Variants in SYT14 observed in about 807,000 individuals in gnomAD.
The protein encoded by SYT14 is synaptotagmin-14.
A neutral mutation model predicts 74.2 loss-of-function variants in SYT14; 32 were observed. The observed-to-expected ratio is 0.43, with a 90% CI of 0.33 to 0.58. SYT14 has a LOEUF of 0.58. SYT14 is among the 20% of genes least tolerant of loss of function. The probability of loss-of-function intolerance (pLI) is 0.05; values close to 1 mark genes in which losing one functional copy is unlikely to be tolerated. For missense variants in SYT14, 791 were observed against 981.8 expected (o/e 0.81, Z 2.60); for synonymous variants, 298 against 337.7 (o/e 0.88, Z 1.29).
intron 7 of SYT14, among the ~76,000 whole-genome samples, chr1:210,104,769 A>T (rs1202707924): frequency 6.6e-6 from 1 of 152,146 alleles, no homozygotes; most frequent in East Asian, 1.9e-4. Context: ...CATACACACA[A>T]CCCTTCCTGT....
chr1:210,046,456 C>T (rs1237894856), intron 5 of SYT14, among the ~76,000 whole-genome samples: 1 of 151,998 alleles, frequency 6.6e-6, no homozygotes, highest in Non-Finnish European at 1.5e-5. Flanking sequence ...AATGGTATAG[C>T]TATTACCGTA....
At chr1:210,121,878 TTTA>T (rs957619257) in intron 7 of SYT14, among the ~76,000 whole-genome samples, 6 of 152,160 alleles carry the variant, frequency 3.9e-5, no homozygotes, top group Non-Finnish European at 8.8e-5. Flanking sequence ...TAAATGCACT[TTTA>T]TTATTTTCAG....
chr1:210,119,359 G>T (rs1161192875), intron 7 of SYT14, among the ~76,000 whole-genome samples: 3 of 152,154 alleles, frequency 2.0e-5, no homozygotes, highest in African/African-American at 7.2e-5. Flanking sequence ...ATTTAGAAAA[G>T]AGGCAGTTTT....
At chr1:209,957,460 C>T (rs1197450767) in intron 2 of SYT14, among the ~76,000 whole-genome samples, 1 of 151,928 alleles carries the variant, frequency 6.6e-6, no homozygotes, top group Non-Finnish European at 1.5e-5. Flanking sequence ...CAGTCTCGCT[C>T]TTGTCACCCA....
chr1:210,147,599 G>A (rs1466976808), intron 7 of SYT14, among the ~76,000 whole-genome samples: 2 of 152,208 alleles, frequency 1.3e-5, no homozygotes, highest in Non-Finnish European at 2.9e-5. Flanking sequence ...GCTAGACATT[G>A]TTCTAAGTAT....
In SYT14 at chr1:210,078,309, C is replaced by CAA. The variant is rs59924487; in HGVS notation, c.1313-15985_1313-15984dup. Among the ~76,000 whole-genome samples the CAA allele has an allele frequency of 4.2e-4, 30 of 72,066 alleles. 1 individual carries two copies. Among genetic ancestry groups the CAA allele is most frequent in the Middle Eastern group, 9.8e-3 (1 of 102 alleles). 47.3% of individuals were successfully genotyped at this position (72,066 alleles called of 152,430 possible). On this transcript the variant is annotated intron_variant, in intron 5 of 9. Transcript: ENST00000637265. Reference sequence around the variant, plus strand: ...TGGGCGACAGAGCGAGACTCCGTCTCAAAAAAAAAAAAAAAAAAAAAAAAA... The same window carrying CAA: ...TGGGCGACAGAGCGAGACTCCGTCTCAAAAAAAAAAAAAAAAAAAAAAAAAAA...
chr1:210,131,099 T>G (rs1272180728), intron 7 of SYT14, among the ~76,000 whole-genome samples: 1 of 152,144 alleles, frequency 6.6e-6, no homozygotes, highest in South Asian at 2.1e-4. Context: ...GAGAATGTGT[T>G]TAAGATTTTA....
rs201670404 is a variant in SYT14, at chr1:209,942,373, C to T, written c.-534+4096C>T. Among the ~76,000 whole-genome samples the T allele has an allele frequency of 2.4e-3, 272 of 114,978 alleles. 3 individuals carry two copies. Among genetic ancestry groups the T allele is most frequent in the African/African-American group, 4.6e-3 (148 of 31,884 alleles). The allele number at this position is 114,978 out of a possible 152,430, so 75.4% of individuals were successfully genotyped here. The stretch of plus-strand genomic sequence containing the variant: ...CCATGCAAATTTACCCCCCCCCCCC[C>T]GCTCTGTTGTGCAGATTTACCATCT... On this transcript the variant is annotated intron_variant, in intron 1 of 9. Coordinates refer to ENST00000637265, the Ensembl canonical transcript of SYT14.
At chr1:209,946,130 C>G (rs1019235140) in intron 1 of SYT14, among the ~76,000 whole-genome samples, 1 of 152,164 alleles carries the variant, frequency 6.6e-6, no homozygotes, top group Admixed American at 6.5e-5. Flanking sequence ...TCTGATTGTT[C>G]CACCAATCAG....
intron 1 of SYT14, among the ~76,000 whole-genome samples, chr1:209,947,014 A>G (rs929695226): frequency 5.3e-5 from 8 of 152,152 alleles, no homozygotes; most frequent in African/African-American, 1.9e-4. Context: ...AAATGACAGA[A>G]CATCTGTTTA....
intron 5 of SYT14, among the ~76,000 whole-genome samples, chr1:210,055,195 T>C (rs905155161): frequency 6.6e-6 from 1 of 152,228 alleles, no homozygotes. Flanking sequence ...GTGATTATTA[T>C]CTATGTGATA....
intron 5 of SYT14, among the ~76,000 whole-genome samples, chr1:210,029,809 G>A (rs541711914): frequency 1.3e-5 from 2 of 152,206 alleles, no homozygotes; most frequent in East Asian, 1.9e-4. Flanking sequence ...TGTGGAGGTG[G>A]CATTAAATCT....
intron 5 of SYT14, among the ~76,000 whole-genome samples, chr1:210,086,824 A>G (rs1478200224): frequency 1.3e-5 from 2 of 152,068 alleles, no homozygotes; most frequent in South Asian, 2.1e-4. Flanking sequence ...GTTTATGTGG[A>G]TTGTCCAATT....
intron 2 of SYT14, 58 bp downstream of exon 2, chr1:209,952,814 A>G (rs1029156384): frequency 6.8e-7 from 1 of 1,465,662 alleles, no homozygotes; most frequent in East Asian, 2.3e-5. Flanking sequence ...CAAAGTGTAT[A>G]ATAGATTTTA....
chr1:210,045,853 G>T, intron 5 of SYT14, among the ~76,000 whole-genome samples: 1 of 151,980 alleles, frequency 6.6e-6, no homozygotes, highest in East Asian at 1.9e-4. Flanking sequence ...AAATCTTCAG[G>T]AAATTATCGT....
intron 9 of SYT14, 124 bp from the exon 9 acceptor site, chr1:210,160,605 C>T: frequency 1.2e-6 from 1 of 809,812 alleles, no homozygotes; most frequent in Non-Finnish European, 1.9e-6. Flanking sequence ...GGTCGAATGT[C>T]CATTAAACAT....
intron 5 of SYT14, among the ~76,000 whole-genome samples, chr1:210,054,636 C>T (rs1272967571): frequency 6.6e-6 from 1 of 152,120 alleles, no homozygotes; most frequent in African/African-American, 2.4e-5. Flanking sequence ...TCAGTGACTT[C>T]ACTGCTAGTT....
intron 5 of SYT14, among the ~76,000 whole-genome samples, chr1:210,045,066 A>G (rs780496716): frequency 6.6e-6 from 1 of 152,180 alleles, no homozygotes; most frequent in African/African-American, 2.4e-5. Context: ...TCATGTTATG[A>G]TTCTCTTTAT....
chr1:210,110,534 C>G (rs2082242066), intron 7 of SYT14, among the ~76,000 whole-genome samples: 1 of 152,104 alleles, frequency 6.6e-6, no homozygotes, highest in African/African-American at 2.4e-5. Flanking sequence ...ATGAAGTATC[C>G]TCCAGGAAGA....
Sources: gnomAD v4.1 joint callset for allele counts (sites outside exome capture counted in the v4.1 genomes callset) on GRCh38, gnomAD v4.1.1 for gene constraint, MANE v1.5 for transcripts, NCBI Gene and HGNC (gene_info 2026-07-23, HGNC 2026-07-21) for gene names.